The following LIMCH1 variants were observed in gnomAD, a reference collection of about 807,000 sequenced individuals.
LIMCH1 encodes the protein LIM and calponin homology domains-containing protein 1.
Under a neutral mutation model 176.5 loss-of-function variants are expected in LIMCH1, and 113 were observed. The observed-to-expected ratio is 0.64, with a 90% confidence interval of 0.55 to 0.75. The LOEUF (loss-of-function observed/expected upper bound fraction) is 0.75. Among genes scored for constraint, LIMCH1 ranks in the 30% least tolerant of loss-of-function variants. The probability of loss-of-function intolerance (pLI) is 0.00; values close to 1 mark genes in which losing one functional copy is unlikely to be tolerated. For synonymous variants in LIMCH1, 619 were observed against 645.9 expected, an observed-to-expected ratio of 0.96 and a Z score of 0.63; for missense variants, 1,674 against 1,814.9, an observed-to-expected ratio of 0.92 and a Z score of 1.41.
intron 1 of LIMCH1, among the ~76,000 whole-genome samples, chr4:41,418,429 A>G (rs560670085): frequency 1.3e-5 from 2 of 152,342 alleles, no homozygotes; most frequent in African/African-American, 4.8e-5. Context: ...AGCCACATGC[A>G]TGTACAGGAC....
chr4:41,662,739 C>A, intron 19 of LIMCH1, 82 bp from the exon 20 acceptor site: 2 of 1,428,538 alleles, frequency 1.4e-6, no homozygotes, highest in Non-Finnish European at 2.0e-6. Context: ...GAATGTACTT[C>A]ATGGCATTGC....
At chr4:41,565,329 A>C (rs867157770) in intron 1 of LIMCH1, among the ~76,000 whole-genome samples, 19 of 148,686 alleles carry the variant, frequency 1.3e-4, no homozygotes, top group African/African-American at 4.8e-4. Flanking sequence ...AGATAGTTAG[A>C]AGTTAGCTAT....
At chr4:41,612,810 A>C in intron 4 of LIMCH1, 1 of 1,041,990 alleles carries the variant, frequency 9.6e-7, no homozygotes, top group Non-Finnish European at 1.3e-6. Context: ...GATTCTTCTG[A>C]GGCATCAGGA....
chr4:41,643,739 AATACAAAATAT>A (rs2093934166), intron 14 of LIMCH1, among the ~76,000 whole-genome samples: 1 of 152,214 alleles, frequency 6.6e-6, no homozygotes, highest in Admixed American at 6.5e-5. Flanking sequence ...TGCATATTAG[AATACAAAATAT>A]ATACCTAATT....
At chr4:41,455,481 T>C (rs2064472255) in intron 1 of LIMCH1, among the ~76,000 whole-genome samples, 2 of 152,206 alleles carry the variant, frequency 1.3e-5, no homozygotes, top group South Asian at 2.1e-4. Flanking sequence ...GGGTGCAAGG[T>C]CAGCTGCAGA....
chr4:41,461,138 T>A (rs552757477), intron 1 of LIMCH1, among the ~76,000 whole-genome samples: 1 of 152,302 alleles, frequency 6.6e-6, no homozygotes, highest in South Asian at 2.1e-4. Flanking sequence ...ATTTGTTGAA[T>A]CTTCAGAGAA....
intron 1 of LIMCH1, among the ~76,000 whole-genome samples, chr4:41,480,355 TC>T (rs2068384141): frequency 1.3e-5 from 2 of 152,136 alleles, no homozygotes; most frequent in South Asian, 2.1e-4. Flanking sequence ...ACTCCTGTAA[TC>T]CCAGCACTTT....
chr4:41,598,807 A>C, intron 1 of LIMCH1, 113 bp from the exon 2 acceptor site: 2 of 578,070 alleles, frequency 3.5e-6, no homozygotes, highest in South Asian at 5.1e-5. Flanking sequence ...GCTATGATTT[A>C]GACCTGACCA....
intron 1 of LIMCH1, among the ~76,000 whole-genome samples, chr4:41,597,438 G>A (rs1194277212): frequency 6.6e-6 from 1 of 152,136 alleles, no homozygotes; most frequent in African/African-American, 2.4e-5. Context: ...TTTGAGCCTG[G>A]ATGTATTAAT....
intron 1 of LIMCH1, among the ~76,000 whole-genome samples, chr4:41,481,114 A>G (rs1452921381): frequency 6.6e-6 from 1 of 152,088 alleles, no homozygotes; most frequent in Non-Finnish European, 1.5e-5. Context: ...TGGATTCTGC[A>G]GATTGCATTT....
intron 1 of LIMCH1, among the ~76,000 whole-genome samples, chr4:41,365,789 A>G (rs992016084): frequency 9.2e-5 from 14 of 152,226 alleles, no homozygotes; most frequent in African/African-American, 3.4e-4. Context: ...TGGTAGGAAA[A>G]CAGTGAGGTC....
chr4:41,552,891 A>G (rs932891664), intron 1 of LIMCH1, among the ~76,000 whole-genome samples: 2 of 152,330 alleles, frequency 1.3e-5, no homozygotes, highest in African/African-American at 2.4e-5. Flanking sequence ...AGTAATATAT[A>G]TAGTTATCTC....
intron 1 of LIMCH1, among the ~76,000 whole-genome samples, chr4:41,385,066 A>T (rs909022883): frequency 3.3e-5 from 5 of 152,176 alleles, no homozygotes; most frequent in African/African-American, 1.2e-4. Context: ...CAGTGTATTT[A>T]ACTTCTCTTT....
At chr4:41,680,237 T>C in intron 24 of LIMCH1, 139 bp downstream of exon 24, 1 of 644,056 alleles carries the variant, frequency 1.6e-6, no homozygotes, top group Admixed American at 2.7e-5. Flanking sequence ...TCAAGCTCTT[T>C]AAAACAGTCA....
intron 1 of LIMCH1, among the ~76,000 whole-genome samples, chr4:41,588,181 C>T (rs908741824): frequency 6.6e-6 from 1 of 151,264 alleles, no homozygotes; most frequent in African/African-American, 2.4e-5. Flanking sequence ...TGAGAATATG[C>T]GGTGTTTGGT....
chr4:41,623,396 A>G (rs2092718373), intron 7 of LIMCH1, among the ~76,000 whole-genome samples: 1 of 152,302 alleles, frequency 6.6e-6, no homozygotes, highest in African/African-American at 2.4e-5. Context: ...GGGGAAGAGC[A>G]TATAGATGAA....
chr4:41,368,160 C>G (rs960887520), intron 1 of LIMCH1, among the ~76,000 whole-genome samples: 1 of 152,086 alleles, frequency 6.6e-6, no homozygotes, highest in Admixed American at 6.5e-5. Context: ...TAAGCTCAGT[C>G]AAATTGTTAA....
At chr4:41,685,407 A>G in intron 27 of LIMCH1, among the ~76,000 whole-genome samples, 1 of 152,214 alleles carries the variant, frequency 6.6e-6, no homozygotes, top group East Asian at 1.9e-4. Flanking sequence ...ATGATGTTCC[A>G]GGTTATAATT....
chr4:41,551,276 T>A (rs1020495946), intron 1 of LIMCH1: 1 of 152,176 alleles, frequency 6.6e-6, no homozygotes, highest in Non-Finnish European at 1.5e-5. Flanking sequence ...TAGTTGAACT[T>A]TCATAATTAT....
Sources: gnomAD v4.1 joint callset for allele counts (sites outside exome capture counted in the v4.1 genomes callset) on GRCh38, gnomAD v4.1.1 for gene constraint, MANE v1.5 for transcripts, NCBI Gene and HGNC (gene_info 2026-07-23, HGNC 2026-07-21) for gene names.